GRIN2D: variants seen among roughly 807,000 people sequenced by gnomAD.
GRIN2D encodes glutamate ionotropic receptor NMDA type subunit 2D.
Under a neutral mutation model 103.2 loss-of-function variants are expected in GRIN2D, and 37 were observed. That is an observed-to-expected ratio of 0.36 (90% CI 0.28 to 0.47). GRIN2D has a LOEUF of 0.47. GRIN2D is among the 20% of genes least tolerant of loss of function. The pLI is 1.00. For synonymous variants in GRIN2D, 845 were observed against 885.6 expected, an observed-to-expected ratio of 0.95 and a Z score of 0.81; for missense variants, 1,557 against 1,910.6, an observed-to-expected ratio of 0.81 and a Z score of 3.45.
intron 3 of GRIN2D, 45 bp from the exon 4 acceptor site, chr19:48,404,689 G>C: frequency 6.5e-7 from 1 of 1,532,658 alleles, no homozygotes; most frequent in Non-Finnish European, 8.8e-7. Flanking sequence ...TGAGAAATAA[G>C]GTCCCCACAT....
Position 48,443,968 on chromosome 19 carries a change from G to A in GRIN2D, c.*31G>A. On this transcript the variant is annotated 3_prime_UTR_variant, in exon 14 of 14. Coordinates refer to ENST00000263269, the MANE Select transcript of GRIN2D (RefSeq NM_000836.4). This position sits in a 1 kb window ranked among gnomAD's most constrained non-coding sequence, Gnocchi z 8.9. ...CCCCGGGGGCCCCACCGCCCCCTTG[G>A]TCAGCGCAGGCCACGGCCCGAGGGG... 7.4e-7 allele frequency: 1 copy of A among 1,347,466 alleles called. No homozygotes were observed. The highest frequency in any genetic ancestry group is 1.5e-5 in the African/African-American group (1 of 65,572). 83.5% of individuals were successfully genotyped at this position (1,347,466 alleles called of 1,614,324 possible). A position where few individuals can be genotyped will look rare whatever the true frequency, so the allele number is the denominator to read the frequency against.
intron 3 of GRIN2D, among the ~76,000 whole-genome samples, chr19:48,402,913 TA>T (rs995934115): frequency 9.9e-5 from 15 of 151,176 alleles, no homozygotes; most frequent in Admixed American, 6.0e-4. Context: ...AAAAGGAGGA[TA>T]GGGGCCAGGC....
chr19:48,425,931 C>A (rs1255246179), intron 11 of GRIN2D, among the ~76,000 whole-genome samples: 1 of 152,098 alleles, frequency 6.6e-6, no homozygotes, highest in African/African-American at 2.4e-5. Flanking sequence ...TAAAGCTTCC[C>A]CTGCCCCTCC....
Position 48,419,751 on chromosome 19 carries a change from C to A in GRIN2D, c.2028C>A (p.Asn676Lys). The A allele has an allele frequency of 1.9e-6, 3 of 1,613,816 alleles. No homozygotes were observed. Among genetic ancestry groups the A allele is most frequent in the Non-Finnish European group, 2.5e-6 (3 of 1,179,966 alleles). Residue 676 changes from asparagine to lysine, a missense_variant, in exon 10 of 14, where the codon AAC (asparagine) becomes AAA (lysine). Transcript: ENST00000263269. ...AVIFLASYTA[N>K]LAAFMIQEEY... ...TCTTCCTCGCCAGCTACACAGCCAA[C>A]CTGGCCGCCTTCATGATCCAGGAGG...
intron 8 of GRIN2D, among the ~76,000 whole-genome samples, 182 bp from the exon 9 acceptor site, chr19:48,419,052 C>CT (rs56737271): frequency 0.016 from 2,359 of 143,254 alleles, 33 homozygotes; most frequent in South Asian, 0.026. Context: ...TTTTTTCTTC[C>CT]TTTTTTTTTT....
rs985371816 is a variant in GRIN2D, at chr19:48,398,479, G to A, written c.87G>A (p.Pro29=). The A allele has an allele frequency of 1.8e-5, 19 of 1,042,002 alleles. No homozygotes were observed. The Admixed American group carries it at 6.3e-4, about 34-fold the overall frequency. The allele number at this position is 1,042,002 out of a possible 1,614,324, so 64.5% of individuals were successfully genotyped here. A position where few individuals can be genotyped will look rare whatever the true frequency, so the allele number is the denominator to read the frequency against. The change falls in exon 3 of 14, where the codon CCG becomes CCA. Residue 29 remains proline (P), a synonymous_variant. Transcript: ENST00000263269. ...LLALACASPF[P]EEAPGPGGAG... Reference sequence around the variant, plus strand: ...CGCTGGCCTGCGCCAGCCCGTTCCCGGAGGAGGCGCCGGGGCCGGGCGGGG... The same window carrying A: ...CGCTGGCCTGCGCCAGCCCGTTCCCAGAGGAGGCGCCGGGGCCGGGCGGGG...
rs1462881167 is a variant in GRIN2D, at chr19:48,394,618, A to G, written c.-305-40A>G. On this transcript the variant is annotated intron_variant, in intron 1 of 13. Coordinates refer to ENST00000263269, the MANE Select transcript of GRIN2D (RefSeq NM_000836.4). This position sits in a 1 kb window ranked among gnomAD's most constrained non-coding sequence, Gnocchi z 5.1. ...CACGGGGTCGGGGCGGCAAGAGGAC[A>G]CCCCGACAGCCTCTGCAATGTCCGG... Among the ~76,000 whole-genome samples the G allele has an allele frequency of 6.6e-6, 1 of 151,238 alleles. No individual in the cohort carries two copies. The highest frequency in any genetic ancestry group is 3.2e-3 in the Middle Eastern group (1 of 314).
intron 2 of GRIN2D, among the ~76,000 whole-genome samples, chr19:48,397,049 C>T (rs10411942): frequency 0.013 from 1,904 of 152,216 alleles, 41 homozygotes; most frequent in African/African-American, 0.044. Context: ...GCTGTATTTC[C>T]TCTAATTTAC....
chr19:48,412,925 C>A lies in GRIN2D; in HGVS notation c.1086-1066C>A, dbSNP rs551189890. Among the ~76,000 whole-genome samples the A allele has an allele frequency of 5.5e-5, 8 of 145,290 alleles. No individual in the cohort carries two copies. In the East Asian group the frequency reaches 1.6e-3, roughly 30 times the overall value. ...GCAGGTGGATCACTGAGGCTGAGGT[C>A]AGGAGTTCTAGACCAGTCTGGCCAA... On this transcript the variant is annotated intron_variant, in intron 4 of 13. Coordinates refer to ENST00000263269, the MANE Select transcript of GRIN2D (RefSeq NM_000836.4).
intron 3 of GRIN2D, among the ~76,000 whole-genome samples, chr19:48,400,305 T>C (rs1275263501): frequency 6.6e-6 from 1 of 152,210 alleles, no homozygotes; most frequent in Non-Finnish European, 1.5e-5. Flanking sequence ...TGGAGCTTCA[T>C]TCAATCTGCC....
chr19:48,398,885 CA>C (rs1184141486), intron 3 of GRIN2D, 28 bp downstream of exon 3: 14 of 1,270,586 alleles, frequency 1.1e-5, no homozygotes, highest in African/African-American at 1.6e-5. Context: ...GGGGCGGGGC[CA>C]CAGGAGGGGC....
Position 48,442,077 on chromosome 19 carries a change from T to C in GRIN2D, c.2441-73T>C. ...CTGAGGGAGGAAGGGGCTAAGGGCC[T>C]ACATTCCCACATCACAGACAAGGGT... On this transcript the variant is annotated intron_variant, in intron 12 of 13. Coordinates refer to ENST00000263269, the MANE Select transcript of GRIN2D (RefSeq NM_000836.4). This position sits in a 1 kb window ranked among gnomAD's most constrained non-coding sequence, Gnocchi z 7.2. 2 of 1,526,694 alleles carry C rather than the reference T, an allele frequency of 1.3e-6. No individual in the cohort carries two copies. The highest frequency in any genetic ancestry group is 2.7e-5 in the African/African-American group (2 of 73,276). The allele number at this position is 1,526,694 out of a possible 1,614,324, so 94.6% of individuals were successfully genotyped here. A position where few individuals can be genotyped will look rare whatever the true frequency, so the allele number is the denominator to read the frequency against.
At chr19:48,416,750 T>TC (rs1037235268) in intron 8 of GRIN2D, among the ~76,000 whole-genome samples, 17 of 151,224 alleles carry the variant, frequency 1.1e-4, no homozygotes, top group Admixed American at 2.6e-4. Flanking sequence ...TCTCTCTTTT[T>TC]TTTTTTTTCA....
chr19:48,403,977 C>T (rs564368024), intron 3 of GRIN2D, among the ~76,000 whole-genome samples: 3 of 152,170 alleles, frequency 2.0e-5, no homozygotes, highest in Non-Finnish European at 4.4e-5. Context: ...CAGTGGCTCA[C>T]GCCTGTAATT....
chr19:48,395,467 A>G (rs938827226), intron 2 of GRIN2D, among the ~76,000 whole-genome samples: 1 of 151,776 alleles, frequency 6.6e-6, no homozygotes, highest in African/African-American at 2.4e-5. Context: ...TCCAAGCATC[A>G]GGATTCGGGT....
intron 11 of GRIN2D, among the ~76,000 whole-genome samples, chr19:48,439,751 C>A (rs1971270640): frequency 6.6e-6 from 1 of 152,234 alleles, no homozygotes; most frequent in Middle Eastern, 3.2e-3. Context: ...TGAGACCAGC[C>A]TGACCAACAT....
chr19:48,444,084 G>T lies in GRIN2D; in HGVS notation c.*147G>T, dbSNP rs528062382. 210 of 482,484 alleles carry T rather than the reference G, an allele frequency of 4.4e-4. 1 individual carries two copies. In the Middle Eastern group the frequency reaches 4.6e-3, roughly 10 times the overall value. 29.9% of individuals were successfully genotyped at this position (482,484 alleles called of 1,614,324 possible). ...CTGGAGCAGCGTCCTGCGCCCCCTG[G>T]TTCTGGAGGAACCGCAAGCCGGAGA... On this transcript the variant is annotated 3_prime_UTR_variant, in exon 14 of 14. Transcript: ENST00000263269. The surrounding 1 kb of genome is among the most constrained non-coding windows in gnomAD (Gnocchi z 5.5).
intron 2 of GRIN2D, among the ~76,000 whole-genome samples, chr19:48,397,415 C>A (rs1970656765): frequency 6.6e-6 from 1 of 152,080 alleles, no homozygotes; most frequent in Non-Finnish European, 1.5e-5. Context: ...CTGGGCACCT[C>A]CCTGGTGGGG....
chr19:48,398,811 C>A lies in GRIN2D; in HGVS notation c.419C>A (p.Pro140His). 2 of 1,442,186 alleles carry A rather than the reference C, an allele frequency of 1.4e-6. No individual in the cohort carries two copies. The highest frequency in any genetic ancestry group is 1.3e-5 in the South Asian group (1 of 74,296). The allele number at this position is 1,442,186 out of a possible 1,614,324, so 89.3% of individuals were successfully genotyped here. ...TTCCTGTCGGCGCAGACCTCGCTGC[C>A]CATCGTGGCCGTGCACGGCGGCGCC... ...LDFLSAQTSLPIVAVHGGAAL... is the reference protein window; with the variant it reads ...LDFLSAQTSLHIVAVHGGAAL... The change falls in exon 3 of 14, where the codon CCC (proline) becomes CAC (histidine). Residue 140 changes from proline to histidine, a missense_variant. By Grantham distance (77) the Pro-to-His change is moderately conservative. Around this residue, in one of 7 missense-constraint regions of GRIN2D, gnomAD observed 490 missense variants for 601.1 expected, o/e 0.82. Transcript: ENST00000263269.
Sources: gnomAD v4.1 joint callset for allele counts (sites outside exome capture counted in the v4.1 genomes callset) on GRCh38, gnomAD v4.1.1 for gene constraint, gnomAD v4.1.1 regional missense constraint, Gnocchi (gnomAD v3.1) non-coding constraint, MANE v1.5 for transcripts, NCBI Gene and HGNC (gene_info 2026-07-23, HGNC 2026-07-21) for gene names.